LGSN: variants seen among roughly 807,000 people sequenced by gnomAD.
The protein encoded by LGSN is lengsin, lens protein with glutamine synthetase domain.
LGSN carries 21 observed loss-of-function variants against 19.5 expected under a neutral mutation model. The observed-to-expected ratio is 1.07, with a 90% CI of 0.76 to 1.55. The LOEUF is 1.55. Ranked by LOEUF, LGSN falls within the 40% of genes most tolerant of loss-of-function variation. The pLI, the probability that LGSN is intolerant of heterozygous loss-of-function variation, is 0.00. For missense variants in LGSN, 673 were observed against 608.5 expected (o/e 1.11, Z -1.12); for synonymous variants, 257 against 215.6 (o/e 1.19, Z -1.68).
At chr6:63,419,686 C>G in the LGSN span, among the ~76,000 whole-genome samples, 2 of 149,116 alleles carry the variant, frequency 1.3e-5, no homozygotes, top group Non-Finnish European at 3.0e-5. Flanking sequence ...CCCAGGAGTT[C>G]GAGACCAGCC....
chr6:63,563,267 A>G, the LGSN span, among the ~76,000 whole-genome samples: 1 of 152,176 alleles, frequency 6.6e-6, no homozygotes, highest in South Asian at 2.1e-4. Context: ...AATCCTTTCC[A>G]TGGCCTACAA....
chr6:63,557,477 C>A, the LGSN span, among the ~76,000 whole-genome samples: 1 of 151,960 alleles, frequency 6.6e-6, no homozygotes, highest in Admixed American at 6.6e-5. Context: ...GGCATGAGAA[C>A]TGCTCCATAT....
the LGSN span, among the ~76,000 whole-genome samples, chr6:63,467,009 T>G: frequency 1.3e-5 from 2 of 152,158 alleles, no homozygotes; most frequent in Non-Finnish European, 2.9e-5. Flanking sequence ...GCCATGAGAC[T>G]GGCTGAGTCT....
In LGSN at chr6:63,280,050, T is replaced by G; in HGVS notation, c.1501A>C (p.Arg501=). Residue 501 remains arginine (R), a synonymous_variant, in exon 4 of 4, where the codon AGA becomes CGA. Coordinates refer to ENST00000370657, the MANE Select transcript of LGSN (RefSeq NM_016571.3). The stretch of plus-strand genomic sequence containing the variant: ...ATAAAATACTCTAAGAATTTATTTC[T>G]CTCTGCAGCTATTTCTTCATTCTCC... ...ELENEEIAAE[R]NKFLEYFI is the part of the protein sequence containing the mutation. 6.2e-7 allele frequency: 1 copy of G among 1,609,000 alleles called. No individual in the cohort carries two copies. Among genetic ancestry groups the G allele is most frequent in the Non-Finnish European group, 8.5e-7 (1 of 1,177,640 alleles).
chr6:63,358,157 A>G, the LGSN span, among the ~76,000 whole-genome samples: 4 of 152,130 alleles, frequency 2.6e-5, no homozygotes, highest in African/African-American at 9.7e-5. Flanking sequence ...ATGTGGCATT[A>G]TTTCTGAGGG....
At chr6:63,548,713 C>T in the LGSN span, 1 of 623,166 alleles carries the variant, frequency 1.6e-6, no homozygotes, top group South Asian at 1.9e-5. Flanking sequence ...TACATTTAAC[C>T]CAGCTTAGTT....
the LGSN span, among the ~76,000 whole-genome samples, chr6:63,504,361 C>T: frequency 1.3e-5 from 2 of 152,108 alleles, no homozygotes; most frequent in Admixed American, 6.6e-5. Context: ...CCTGCCTCAG[C>T]CTCCCGAGTA....
At chr6:63,391,904 G>T in the LGSN span, among the ~76,000 whole-genome samples, 15 of 152,266 alleles carry the variant, frequency 9.9e-5, 1 homozygote, top group South Asian at 2.9e-3. Context: ...ATGGGTTGAC[G>T]CACAGAGCAA....
the LGSN span, among the ~76,000 whole-genome samples, chr6:63,530,181 G>T: frequency 6.6e-6 from 1 of 152,106 alleles, no homozygotes; most frequent in South Asian, 2.1e-4. Context: ...AATGAAATGT[G>T]ATCATTAAAA....
chr6:63,486,610 G>A, the LGSN span, among the ~76,000 whole-genome samples: 2 of 151,844 alleles, frequency 1.3e-5, no homozygotes, highest in South Asian at 2.1e-4. Context: ...CAGCTAACCC[G>A]ATCTTTCAAA....
the LGSN span, among the ~76,000 whole-genome samples, chr6:63,329,844 A>G: frequency 6.6e-6 from 1 of 152,206 alleles, no homozygotes; most frequent in East Asian, 1.9e-4. Flanking sequence ...AAAGTCTCCC[A>G]ATTACAACTG....
the LGSN span, among the ~76,000 whole-genome samples, chr6:63,374,716 AAAGT>A: frequency 6.6e-6 from 1 of 152,194 alleles, no homozygotes; most frequent in Admixed American, 6.5e-5. Flanking sequence ...GGGAGGCTGG[AAAGT>A]AAAATGGTTT....
the LGSN span, among the ~76,000 whole-genome samples, chr6:63,494,164 G>T: frequency 3.3e-5 from 5 of 151,858 alleles, no homozygotes; most frequent in African/African-American, 1.2e-4. Flanking sequence ...TGGCCAAGCT[G>T]GTCTCGAATT....
At chr6:63,298,705 A>G (rs761024148) in intron 1 of LGSN, among the ~76,000 whole-genome samples, 3 of 152,218 alleles carry the variant, frequency 2.0e-5, no homozygotes, top group African/African-American at 4.8e-5. Flanking sequence ...CAAAAATGGC[A>G]AAATCTTATA....
chr6:63,531,874 C>A, the LGSN span, among the ~76,000 whole-genome samples: 1 of 151,606 alleles, frequency 6.6e-6, no homozygotes, highest in Non-Finnish European at 1.5e-5. Flanking sequence ...ATCACCCAGG[C>A]TCACTGCAAC....
In LGSN at chr6:63,280,069, A is replaced by G. The variant is rs1767229128; in HGVS notation, c.1482T>C (p.Asn494=). The G allele has an allele frequency of 6.2e-7, 1 of 1,612,176 alleles. No homozygotes were observed. The highest frequency in any genetic ancestry group is 1.3e-5 in the African/African-American group (1 of 74,712). ...FVAMKKYELE[N]EEIAAERNKF... ...TATTTCTCTCTGCAGCTATTTCTTC[A>G]TTCTCCAACTCATATTTCTTCATGG... is the stretch of plus-strand genomic sequence containing the variant. The change falls in exon 4 of 4, where the codon AAT becomes AAC. Residue 494 remains asparagine, a synonymous_variant. Transcript: ENST00000370657.
the LGSN span, among the ~76,000 whole-genome samples, chr6:63,492,160 T>C: frequency 1.4e-4 from 22 of 152,332 alleles, no homozygotes; most frequent in African/African-American, 4.1e-4. Context: ...TAACCAAATA[T>C]GTTCAAACTT....
the LGSN span, among the ~76,000 whole-genome samples, chr6:63,366,505 C>T: frequency 5.3e-5 from 8 of 152,146 alleles, no homozygotes; most frequent in Non-Finnish European, 2.9e-5. Context: ...ATGAAAATGG[C>T]CATACTGCCC....
chr6:63,411,262 G>A, the LGSN span, among the ~76,000 whole-genome samples: 2 of 152,228 alleles, frequency 1.3e-5, no homozygotes, highest in East Asian at 1.9e-4. Flanking sequence ...TAACATTTAC[G>A]CAGACATTCT....
Sources: gnomAD v4.1 joint callset for allele counts (sites outside exome capture counted in the v4.1 genomes callset) on GRCh38, gnomAD v4.1.1 for gene constraint, MANE v1.5 for transcripts, NCBI Gene and HGNC (gene_info 2026-07-23, HGNC 2026-07-21) for gene names.